The following FARP2 variants were observed in gnomAD, a reference collection of about 807,000 sequenced individuals.
FARP2 encodes FERM, ARHGEF and pleckstrin domain-containing protein 2.
In FARP2, 111 loss-of-function variants were observed where a neutral mutation model predicts 130.5. That is an observed-to-expected ratio of 0.85 (90% CI 0.73 to 1.00). The LOEUF is 1.00. Ranked by LOEUF, FARP2 falls within the 50% of genes least tolerant of loss-of-function variation. FARP2 has a pLI of 0.00. For missense variants in FARP2, 1,385 were observed against 1,346.3 expected (o/e 1.03, Z -0.45); for synonymous variants, 504 against 516.9 (o/e 0.98, Z 0.34).
intron 8 of FARP2, among the ~76,000 whole-genome samples, chr2:241,423,970 G>C (rs1039370871): frequency 2.6e-5 from 4 of 152,084 alleles, no homozygotes; most frequent in Non-Finnish European, 5.9e-5. Context: ...AGTTCTTAAA[G>C]ATCTAAAAAA....
chr2:241,463,966 A>G lies in FARP2; in HGVS notation c.1879A>G (p.Met627Val). 1 of 1,614,014 alleles carries G rather than the reference A, an allele frequency of 6.2e-7. No homozygotes were observed. The highest frequency in any genetic ancestry group is 8.5e-7 in the Non-Finnish European group (1 of 1,179,892). The change falls in exon 17 of 27, where the codon ATG becomes GTG. Residue 627 changes from methionine to valine, a missense_variant. By Grantham distance (21) the Met-to-Val change is conservative (BLOSUM62 1). Transcript: ENST00000264042. ...AATCGGGGACATCCTGCTCAGGAAC[A>G]TGCGCCAGTTAAAGGTAGGCTGCAT... ...QRIGDILLRN[M>V]RQLKEFTSYF... is the part of the protein sequence containing the mutation.
At chr2:241,492,810 G>T (rs986870170) in intron 24 of FARP2, 119 bp from the exon 25 acceptor site, 2 of 653,038 alleles carry the variant, frequency 3.1e-6, no homozygotes, top group African/African-American at 3.6e-5. Context: ...CAGTCCAGAG[G>T]TAAAACCAAG....
chr2:241,468,015 G>A (rs769884900), intron 17 of FARP2, 125 bp from the exon 18 acceptor site: 2 of 742,092 alleles, frequency 2.7e-6, no homozygotes, highest in Non-Finnish European at 4.9e-6. Flanking sequence ...GGCGCACGCT[G>A]GGCCACTGGT....
chr2:241,469,252 A>G (rs749460390), intron 18 of FARP2, among the ~76,000 whole-genome samples: 1 of 151,844 alleles, frequency 6.6e-6, no homozygotes, highest in Non-Finnish European at 1.5e-5. Flanking sequence ...ACACCCAGCT[A>G]ATTTTTGTAT....
intron 17 of FARP2, chr2:241,465,377 A>G (rs2064141661): frequency 1.9e-6 from 2 of 1,036,026 alleles, no homozygotes; most frequent in Admixed American, 4.0e-5. Flanking sequence ...TTCAGGGCAG[A>G]GTCCCCATAG....
At chr2:241,397,103 A>G (rs1008215386) in intron 2 of FARP2, among the ~76,000 whole-genome samples, 4 of 152,170 alleles carry the variant, frequency 2.6e-5, no homozygotes, top group South Asian at 2.1e-4. Flanking sequence ...CAAACACCGC[A>G]TGTTCTCACT....
At chr2:241,463,653 A>G (rs2064088808) in intron 16 of FARP2, 185 bp downstream of exon 16, 1 of 739,014 alleles carries the variant, frequency 1.4e-6, no homozygotes, top group Non-Finnish European at 2.2e-6. Flanking sequence ...TCCAGAAAAG[A>G]GAGTGCAAGG....
At chr2:241,410,931 A>G in intron 5 of FARP2, 102 bp from the exon 6 acceptor site, 1 of 818,468 alleles carries the variant, frequency 1.2e-6, no homozygotes, top group South Asian at 1.6e-5. Context: ...GGTCACTGCC[A>G]CTTCCCAGGG....
intron 13 of FARP2, among the ~76,000 whole-genome samples, chr2:241,449,483 GA>G (rs1255089632): frequency 1.3e-5 from 2 of 151,908 alleles, no homozygotes; most frequent in Non-Finnish European, 1.5e-5. Flanking sequence ...GAGTTTTAAA[GA>G]GGAGAATTTA....
chr2:241,480,987 G>A (rs2064599625), intron 19 of FARP2, among the ~76,000 whole-genome samples: 1 of 150,306 alleles, frequency 6.7e-6, no homozygotes, highest in African/African-American at 2.5e-5. Context: ...GGGAGGCCAC[G>A]GCAGAAGGAT....
rs377038048 is a variant in FARP2 at position 241,440,781 on chromosome 2, C to T, written c.1159-523C>T. Among the ~76,000 whole-genome samples, 10 of 152,276 alleles carry T rather than the reference C, an allele frequency of 6.6e-5. No homozygotes were observed. In the East Asian group the frequency reaches 1.9e-3, roughly 29 times the overall value. ...CTCCCTCTCCAGCTGTATTTTACCCCTCAACAAAACTATGAATCTCCTGGT... is the reference window on the plus strand; with the variant it reads ...CTCCCTCTCCAGCTGTATTTTACCCTTCAACAAAACTATGAATCTCCTGGT... On this transcript the variant is annotated intron_variant, in intron 12 of 26. Transcript: ENST00000264042.
At chr2:241,434,102 T>C (rs929456241) in intron 9 of FARP2, 56 bp from the exon 10 acceptor site, 4 of 1,343,114 alleles carry the variant, frequency 3.0e-6, no homozygotes, top group Non-Finnish European at 3.1e-6. Flanking sequence ...TAAATGTACT[T>C]TCTCTTGTCC....
intron 7 of FARP2, among the ~76,000 whole-genome samples, chr2:241,416,014 T>TGTCTGG (rs2062656255): frequency 6.6e-6 from 1 of 151,384 alleles, no homozygotes; most frequent in African/African-American, 2.4e-5. Context: ...TGTGTGTGTG[T>TGTCTGG]GTGTGTGTGT....
chr2:241,446,799 G>GC (rs1332929900), intron 13 of FARP2: 1 of 152,224 alleles, frequency 6.6e-6, no homozygotes, highest in Non-Finnish European at 1.5e-5. Flanking sequence ...TCATCTGGGA[G>GC]CCATGTGTAT....
At chr2:241,437,964 C>T (rs115454180) in intron 12 of FARP2, among the ~76,000 whole-genome samples, 1,868 of 152,176 alleles carry the variant, frequency 0.012, 13 homozygotes, top group Admixed American at 0.022. Flanking sequence ...CACGCCCAGC[C>T]GCCTGGCTGA....
At chr2:241,444,676 CTAAA>C (rs1179027871) in intron 13 of FARP2, 1 of 152,138 alleles carries the variant, frequency 6.6e-6, no homozygotes, top group African/African-American at 2.4e-5. Flanking sequence ...GTGCGAGATT[CTAAA>C]TAAATTTTGT....
In FARP2 at chr2:241,371,011, G is replaced by A. The variant is rs138644291; in HGVS notation, c.-24-2073G>A. On this transcript the variant is annotated intron_variant, in intron 1 of 26. Transcript: ENST00000264042. Reference sequence around the variant, plus strand: ...GGACCTTGCACTGCCTTGTTGTTTTGTTCATAGTACTCACATTTTGCTTCT... The same window carrying A: ...GGACCTTGCACTGCCTTGTTGTTTTATTCATAGTACTCACATTTTGCTTCT... Among the ~76,000 whole-genome samples the A allele has an allele frequency of 1.6e-4, 25 of 152,212 alleles. No homozygotes were observed. In the East Asian group the frequency reaches 4.1e-3, roughly 25 times the overall value.
chr2:241,432,040 G>A (rs902037967), intron 9 of FARP2, among the ~76,000 whole-genome samples: 3 of 152,060 alleles, frequency 2.0e-5, no homozygotes, highest in African/African-American at 7.2e-5. Flanking sequence ...GGCTGGTCTC[G>A]AACTCCTGAC....
At chr2:241,406,998 C>T (rs1048483478) in intron 4 of FARP2, among the ~76,000 whole-genome samples, 5 of 151,676 alleles carry the variant, frequency 3.3e-5, no homozygotes, top group African/African-American at 4.8e-5. Flanking sequence ...TTAATAGAGA[C>T]GGGGTTTCAC....
Sources: allele counts gnomAD v4.1 joint callset (sites outside exome capture counted in the v4.1 genomes callset), GRCh38; gene constraint gnomAD v4.1.1; transcripts MANE v1.5; gene names NCBI Gene and HGNC (gene_info 2026-07-23, HGNC 2026-07-21).